Variants in SLC36A1 observed in about 807,000 individuals in gnomAD.
The protein encoded by SLC36A1 is proton-coupled amino acid transporter 1.
Under a neutral mutation model 47.5 loss-of-function variants are expected in SLC36A1, and 30 were observed. The observed-to-expected ratio is 0.63, with a 90% CI of 0.47 to 0.86. The LOEUF is 0.86. Among genes scored for constraint, SLC36A1 ranks in the 40% least tolerant of loss-of-function variants. The probability of loss-of-function intolerance (pLI) is 0.00; values close to 1 mark genes in which losing one functional copy is unlikely to be tolerated. For synonymous variants in SLC36A1, 255 were observed against 249.7 expected, an observed-to-expected ratio of 1.02 and a Z score of -0.20; for missense variants, 517 against 606.0, an observed-to-expected ratio of 0.85 and a Z score of 1.54.
chr5:151,460,554 G>A lies in SLC36A1; in HGVS notation c.143+1619G>A, dbSNP rs566205488. On this transcript the variant is annotated intron_variant, in intron 2 of 10. Coordinates refer to ENST00000243389, the MANE Select transcript of SLC36A1 (RefSeq NM_078483.4). ...TGATACAGTGTAGGTGACCAGGGAA[G>A]CCTATCTGTAGTTGATGGCAGGTAT... Among the ~76,000 whole-genome samples the A allele has an allele frequency of 3.9e-5, 6 of 152,172 alleles. No homozygotes were observed. The South Asian group carries it at 1.0e-3, about 26-fold the overall frequency.
chr5:151,413,646 A>G, the SLC36A1 span, among the ~76,000 whole-genome samples: 2 of 152,126 alleles, frequency 1.3e-5, no homozygotes, highest in African/African-American at 4.8e-5. Context: ...GAGACCTTTT[A>G]TATTTTATAG....
At chr5:151,426,364 G>A in the SLC36A1 span, among the ~76,000 whole-genome samples, 1 of 151,988 alleles carries the variant, frequency 6.6e-6, no homozygotes, top group Non-Finnish European at 1.5e-5. Context: ...TCGGTGAGGG[G>A]GATGTAGCAG....
intron 4 of SLC36A1, 29 bp from the exon 5 acceptor site, chr5:151,465,045 G>C: frequency 6.4e-7 from 1 of 1,556,062 alleles, no homozygotes; most frequent in Non-Finnish European, 8.9e-7. Flanking sequence ...CACGTGCTCT[G>C]TCCTTCCTCT....
the SLC36A1 span, among the ~76,000 whole-genome samples, chr5:151,555,519 G>A: frequency 7.8e-4 from 118 of 151,878 alleles, 1 homozygote; most frequent in African/African-American, 2.7e-3. Flanking sequence ...ACAAGCACCC[G>A]CCACCACACC....
the SLC36A1 span, among the ~76,000 whole-genome samples, chr5:151,352,541 A>G: frequency 2.8e-4 from 41 of 144,284 alleles, no homozygotes; most frequent in Non-Finnish European, 5.1e-4. Context: ...TTGTTCTTAC[A>G]GTTCTGAAGG....
At chr5:151,371,016 C>T in the SLC36A1 span, among the ~76,000 whole-genome samples, 1 of 151,946 alleles carries the variant, frequency 6.6e-6, no homozygotes, top group African/African-American at 2.4e-5. Context: ...AAATAAATTG[C>T]TTCTAAGTGG....
downstream of SLC36A1, among the ~76,000 whole-genome samples, chr5:151,494,630 G>A (rs542435723): frequency 6.6e-6 from 1 of 152,292 alleles, no homozygotes; most frequent in African/African-American, 2.4e-5. Context: ...ACATGTATCT[G>A]TAATTGGTTC....
At chr5:151,426,871 C>T in the SLC36A1 span, among the ~76,000 whole-genome samples, 5 of 152,144 alleles carry the variant, frequency 3.3e-5, no homozygotes, top group Non-Finnish European at 7.4e-5. Flanking sequence ...CCTGGGTACT[C>T]GAGACTGGAG....
chr5:151,418,354 A>G, the SLC36A1 span, among the ~76,000 whole-genome samples: 1 of 152,222 alleles, frequency 6.6e-6, no homozygotes, highest in Non-Finnish European at 1.5e-5. Context: ...TGCACCTGGA[A>G]AAGACACAGA....
the SLC36A1 span, chr5:151,527,183 A>C: frequency 6.5e-7 from 1 of 1,538,358 alleles, no homozygotes; most frequent in Non-Finnish European, 8.8e-7. Context: ...TTCTGCTAGA[A>C]GGGAAATGAA....
the SLC36A1 span, among the ~76,000 whole-genome samples, chr5:151,513,728 T>A: frequency 6.6e-4 from 100 of 152,310 alleles, no homozygotes; most frequent in Admixed American, 9.2e-4. Context: ...CCTGCATATG[T>A]ACCCCCGAAA....
the SLC36A1 span, among the ~76,000 whole-genome samples, chr5:151,373,861 A>G: frequency 6.6e-6 from 1 of 152,124 alleles, no homozygotes; most frequent in African/African-American, 2.4e-5. Context: ...GGGCCTCTCA[A>G]AGCACTGGGA....
chr5:151,456,013 G>A (rs989643274), intron 1 of SLC36A1, among the ~76,000 whole-genome samples: 3 of 152,196 alleles, frequency 2.0e-5, no homozygotes, highest in Non-Finnish European at 4.4e-5. Context: ...AACTCAAGGG[G>A]GGAGTGACAC....
rs1255062089 is a variant in SLC36A1, at chr5:151,481,092, A to G, written c.1159+1603A>G. On this transcript the variant is annotated intron_variant, in intron 10 of 10. Transcript: ENST00000243389. Reference sequence around the variant, plus strand: ...GTTTATTTCTGCAGCACCCTGCAGGAGACAGCAGTCTCTGATTCACAGACC... The same window carrying G: ...GTTTATTTCTGCAGCACCCTGCAGGGGACAGCAGTCTCTGATTCACAGACC... 2.0e-5 allele frequency among the ~76,000 whole-genome samples: 3 copies of G among 152,294 alleles called. No homozygotes were observed. The East Asian group carries it at 5.8e-4, about 29-fold the overall frequency.
the SLC36A1 span, chr5:151,542,936 T>C: frequency 6.2e-7 from 1 of 1,614,224 alleles, no homozygotes; most frequent in Non-Finnish European, 8.5e-7. Context: ...CTCTCAGGTG[T>C]AGTGCCCCGC....
chr5:151,544,845 G>C, the SLC36A1 span: 1 of 1,614,170 alleles, frequency 6.2e-7, no homozygotes, highest in Non-Finnish European at 8.5e-7. Flanking sequence ...CCTCATCAGT[G>C]GCAGATACCT....
chr5:151,428,632 T>G, the SLC36A1 span, among the ~76,000 whole-genome samples: 6 of 151,862 alleles, frequency 4.0e-5, no homozygotes, highest in African/African-American at 1.5e-4. Flanking sequence ...ATTTCCTTAC[T>G]CTGCTGACTT....
chr5:151,443,150 G>A (rs959491676), upstream of SLC36A1, among the ~76,000 whole-genome samples: 1 of 152,096 alleles, frequency 6.6e-6, no homozygotes, highest in Non-Finnish European at 1.5e-5. Context: ...TCGAGTATAT[G>A]TCCAGAAAGG....
the SLC36A1 span, among the ~76,000 whole-genome samples, chr5:151,370,782 C>T: frequency 8.5e-5 from 13 of 152,226 alleles, no homozygotes; most frequent in South Asian, 2.5e-3. Context: ...CTGTTGAGGC[C>T]AGGAGTTTGA....
Sources: allele counts gnomAD v4.1 joint callset (sites outside exome capture counted in the v4.1 genomes callset), GRCh38; gene constraint gnomAD v4.1.1; transcripts MANE v1.5; gene names NCBI Gene and HGNC (gene_info 2026-07-23, HGNC 2026-07-21).